Variants in TMEM165 observed in about 807,000 individuals in gnomAD.
The protein encoded by TMEM165 is transmembrane protein 165.
Under a neutral mutation model 30.0 loss-of-function variants are expected in TMEM165, and 19 were observed. The ratio of observed to expected loss-of-function variants is 0.63; its 90% CI spans 0.44 to 0.93. The LOEUF is 0.93. Among genes scored for constraint, TMEM165 ranks in the 40% least tolerant of loss-of-function variants. TMEM165 has a pLI of 0.00. For synonymous variants in TMEM165, 168 were observed against 162.9 expected, an observed-to-expected ratio of 1.03 and a Z score of -0.24; for missense variants, 340 against 417.0, an observed-to-expected ratio of 0.82 and a Z score of 1.61.
intron 1 of TMEM165, chr4:55,403,134 C>T (rs11726676): frequency 2.7e-5 from 20 of 731,786 alleles, no homozygotes; most frequent in Non-Finnish European, 3.4e-5. Flanking sequence ...GGAGACAGTT[C>T]TAAGCAAATT....
intron 2 of TMEM165, chr4:55,415,661 C>T (rs191283757): frequency 2.2e-4 from 34 of 152,240 alleles, no homozygotes; most frequent in Admixed American, 1.7e-3. Flanking sequence ...TATATACACA[C>T]ACAATAATTT....
chr4:55,412,685 T>C (rs186093952), intron 2 of TMEM165: 8 of 152,186 alleles, frequency 5.3e-5, no homozygotes, highest in African/African-American at 1.9e-4. Flanking sequence ...ACAAACCAGT[T>C]ACAGATTTCT....
At chr4:55,410,324 A>T (rs554308618) in intron 1 of TMEM165, among the ~76,000 whole-genome samples, 1 of 152,306 alleles carries the variant, frequency 6.6e-6, no homozygotes, top group Non-Finnish European at 1.5e-5. Context: ...TAACTCCTTC[A>T]TGCGAAGAGC....
intron 1 of TMEM165, among the ~76,000 whole-genome samples, chr4:55,402,403 G>GTATA (rs869107499): frequency 0.011 from 541 of 47,734 alleles, 5 homozygotes; most frequent in Non-Finnish European, 0.014. Flanking sequence ...GTGTGTGTGT[G>GTATA]TATATATATA....
At chr4:55,435,318 A>C (rs1722792544) in intron 3 of TMEM165, 1 of 1,433,452 alleles carries the variant, frequency 7.0e-7, no homozygotes, top group Non-Finnish European at 9.8e-7. Flanking sequence ...CATCTCATGA[A>C]ACTGCTGGAA....
At chr4:55,415,053 T>C (rs542472480) in intron 2 of TMEM165, among the ~76,000 whole-genome samples, 1 of 152,366 alleles carries the variant, frequency 6.6e-6, no homozygotes, top group African/African-American at 2.4e-5. Flanking sequence ...ACAAATACCC[T>C]CTTCCTCATC....
At chr4:55,442,342 C>T in intron 3 of TMEM165, 2 of 1,133,100 alleles carry the variant, frequency 1.8e-6, no homozygotes, top group South Asian at 1.3e-5. Context: ...ATTAAAATCA[C>T]ATTAAAAAAT....
In TMEM165 at chr4:55,444,697, C is replaced by T. The variant is rs775779441; in HGVS notation, c.409-7542C>T. ...AATTTTTCTTAGTTCTTCTTGTTGCCGATGAATATTTGCTTCTATCATGCG... is the reference window on the plus strand; with the variant it reads ...AATTTTTCTTAGTTCTTCTTGTTGCTGATGAATATTTGCTTCTATCATGCG... On this transcript the variant is annotated intron_variant, in intron 3 of 3. Transcript: ENST00000608091. The T allele has an allele frequency of 3.1e-6, 5 of 1,613,878 alleles. No homozygotes were observed. The highest frequency in any genetic ancestry group is 4.5e-5 in the East Asian group (2 of 44,880).
chr4:55,425,323 G>GT lies in TMEM165; in HGVS notation c.899-52dup, dbSNP rs1202036981. The stretch of plus-strand genomic sequence containing the variant: ...ATCGGCTCCCTTTTCATTTTGTACA[G>GT]TATCAAGGTATAGGAATTTTACTGT... On this transcript the variant is annotated intron_variant, in intron 5 of 5. Transcript: ENST00000381334. 7.6e-6 allele frequency: 11 copies of GT among 1,450,552 alleles called. No individual in the cohort carries two copies. The East Asian group carries it at 2.3e-4, about 30-fold the overall frequency. The allele number at this position is 1,450,552 out of a possible 1,614,324, so 89.9% of individuals were successfully genotyped here.
In TMEM165 at chr4:55,400,742, A is replaced by G. The variant is rs1001515596; in HGVS notation, c.207+4346A>G. Among the ~76,000 whole-genome samples the G allele has an allele frequency of 2.7e-5, 4 of 150,286 alleles. 1 individual carries two copies. Among genetic ancestry groups the G allele is most frequent in the African/African-American group, 1.0e-4 (4 of 39,834 alleles). The stretch of plus-strand genomic sequence containing the variant: ...TGAGCCACCACGCCTGGCCTTAATT[A>G]TATTTTTATGTAACTTTTTGATACT... On this transcript the variant is annotated intron_variant, in intron 1 of 5. Coordinates refer to ENST00000381334, the MANE Select transcript of TMEM165 (RefSeq NM_018475.5).
intron 4 of TMEM165, 51 bp downstream of exon 4, chr4:55,418,036 A>C: frequency 6.6e-7 from 1 of 1,519,332 alleles, no homozygotes; most frequent in Non-Finnish European, 8.9e-7. Flanking sequence ...AATTATTATT[A>C]CTTTGTTCCA....
In TMEM165 at chr4:55,411,798, C is replaced by T; in HGVS notation, c.392C>T (p.Ala131Val). Residue 131 changes from alanine (A) to valine (V), a missense_variant, in exon 2 of 6, where the codon GCT becomes GTT. Transcript: ENST00000381334. The part of the protein sequence containing the change: ...AMRYNRLTVL[A>V]GAMLALGLMT... ...CGCTATAACCGCCTGACCGTGCTGG[C>T]TGGTGCAATGCTTGCCTTGGGACTA... 6.2e-7 allele frequency: 1 copy of T among 1,614,216 alleles called. No homozygotes were observed. The highest frequency in any genetic ancestry group is 8.5e-7 in the Non-Finnish European group (1 of 1,180,048).
At chr4:55,452,159 A>AT (rs1367859572) in intron 3 of TMEM165, 2 of 152,172 alleles carry the variant, frequency 1.3e-5, no homozygotes, top group Non-Finnish European at 2.9e-5. Context: ...ATTTCCTTAT[A>AT]TAATGCATAG....
intron 1 of TMEM165, among the ~76,000 whole-genome samples, chr4:55,400,273 A>G (rs867980341): frequency 0.01 from 1,046 of 104,338 alleles, 25 homozygotes; most frequent in African/African-American, 0.041. Flanking sequence ...ATAATATATA[A>G]TATAATATTA....
At chr4:55,445,847 C>T (rs1323727643) in intron 3 of TMEM165, among the ~76,000 whole-genome samples, 2 of 151,890 alleles carry the variant, frequency 1.3e-5, no homozygotes, top group Non-Finnish European at 2.9e-5. Context: ...CCTCCTACTT[C>T]GGCCTTCCAA....
chr4:55,403,792 C>T (rs146960366), intron 1 of TMEM165, among the ~76,000 whole-genome samples: 4 of 152,240 alleles, frequency 2.6e-5, no homozygotes, highest in African/African-American at 9.6e-5. Context: ...TCTTCTGTGC[C>T]TGTACTGTCT....
intron 1 of TMEM165, 147 bp downstream of exon 1, chr4:55,396,543 T>C (rs752684059): frequency 2.6e-5 from 17 of 652,804 alleles, no homozygotes; most frequent in Non-Finnish European, 4.0e-5. Context: ...GGCGGTCGGC[T>C]GCGCTGTTTT....
At chr4:55,412,133 G>T in intron 2 of TMEM165, 1 of 409,438 alleles carries the variant, frequency 2.4e-6, no homozygotes, top group South Asian at 2.4e-5. Context: ...AGTCACTCAC[G>T]CCTGTAATCC....
chr4:55,398,812 A>G (rs1381688959), intron 1 of TMEM165: 2 of 151,570 alleles, frequency 1.3e-5, no homozygotes, highest in East Asian at 3.9e-4. Context: ...TTGCATGTCA[A>G]GTTTATATCA....
Sources: gnomAD v4.1 joint callset for allele counts (sites outside exome capture counted in the v4.1 genomes callset) on GRCh38, gnomAD v4.1.1 for gene constraint, MANE v1.5 for transcripts, NCBI Gene and HGNC (gene_info 2026-07-23, HGNC 2026-07-21) for gene names.